Variants in ABHD18 observed in about 807,000 individuals in gnomAD.
ABHD18 encodes abhydrolase domain containing 18, also known as cardiolipin-specific deacylase, mitochondrial.
In ABHD18, 55 loss-of-function variants were observed where a neutral mutation model predicts 65.9. The ratio of observed to expected loss-of-function variants is 0.84; its 90% CI spans 0.67 to 1.05. The LOEUF (loss-of-function observed/expected upper bound fraction) is 1.05, where lower values mean the gene tolerates loss of function less well. Among genes scored for constraint, ABHD18 ranks in the 50% least tolerant of loss-of-function variants. The probability of loss-of-function intolerance (pLI) is 0.00; values close to 1 mark genes in which losing one functional copy is unlikely to be tolerated. For missense variants in ABHD18, 533 were observed against 558.5 expected, an observed-to-expected ratio of 0.95 and a Z score of 0.46; for synonymous variants, 181 against 180.2, an observed-to-expected ratio of 1.00 and a Z score of -0.04.
At chr4:128,004,636 C>T (rs902096856) in intron 4 of ABHD18, among the ~76,000 whole-genome samples, 1 of 152,092 alleles carries the variant, frequency 6.6e-6, no homozygotes, top group Non-Finnish European at 1.5e-5. Flanking sequence ...GAGAGCCGGG[C>T]GCAGTGGTTC....
intron 3 of ABHD18, among the ~76,000 whole-genome samples, chr4:127,989,141 G>C (rs1032443025): frequency 2.0e-5 from 3 of 152,306 alleles, no homozygotes; most frequent in African/African-American, 7.2e-5. Flanking sequence ...TGGAACTGAA[G>C]GACATCGCGT....
intron 1 of ABHD18, among the ~76,000 whole-genome samples, chr4:127,968,780 C>A (rs1451507716): frequency 6.6e-6 from 1 of 152,108 alleles, no homozygotes; most frequent in Non-Finnish European, 1.5e-5. Flanking sequence ...TCTGTCCAGC[C>A]TGAAGTGGGG....
At chr4:127,993,136 G>C (rs1007086217) in intron 4 of ABHD18, among the ~76,000 whole-genome samples, 4 of 152,024 alleles carry the variant, frequency 2.6e-5, no homozygotes, top group African/African-American at 9.7e-5. Flanking sequence ...GTATGCTAAA[G>C]GATATAGAAG....
chr4:128,034,061 C>A (rs1294379709), intron 12 of ABHD18, among the ~76,000 whole-genome samples: 1 of 148,472 alleles, frequency 6.7e-6, no homozygotes, highest in Non-Finnish European at 1.5e-5. Context: ...CAGGTTCAAG[C>A]AATTCTCCTG....
intron 12 of ABHD18, among the ~76,000 whole-genome samples, chr4:128,032,150 T>C (rs1043912876): frequency 6.6e-5 from 10 of 152,148 alleles, no homozygotes; most frequent in African/African-American, 1.2e-4. Context: ...AAGGCTTCAT[T>C]TGAGAGAGAT....
intron 8 of ABHD18, among the ~76,000 whole-genome samples, 193 bp from the exon 9 acceptor site, chr4:128,019,887 C>A (rs781549989): frequency 1.1e-4 from 16 of 152,128 alleles, no homozygotes; most frequent in Non-Finnish European, 1.9e-4. Context: ...TTATTGCTAT[C>A]TAAGGGGGAA....
intron 1 of ABHD18, among the ~76,000 whole-genome samples, chr4:127,974,977 CAA>C (rs971790308): frequency 1.0e-4 from 7 of 69,354 alleles, no homozygotes; most frequent in Admixed American, 4.6e-4. Flanking sequence ...GCCTAGGCAA[CAA>C]GAGCAAAAAC....
chr4:128,031,034 C>T, intron 12 of ABHD18: 1 of 1,009,472 alleles, frequency 9.9e-7, no homozygotes, highest in Non-Finnish European at 1.2e-6. Flanking sequence ...TTCAGAATGG[C>T]CTGAACATCT....
intron 12 of ABHD18, among the ~76,000 whole-genome samples, chr4:128,034,944 G>A (rs765350434): frequency 8.5e-5 from 13 of 152,076 alleles, no homozygotes; most frequent in Non-Finnish European, 1.3e-4. Context: ...GAGCCATCGC[G>A]CCCGGCCTGT....
chr4:127,981,483 G>A (rs1399177792), intron 1 of ABHD18, among the ~76,000 whole-genome samples: 1 of 151,966 alleles, frequency 6.6e-6, no homozygotes, highest in Non-Finnish European at 1.5e-5. Flanking sequence ...CCATTCCTTT[G>A]TCATTTTTGT....
At chr4:128,026,528 T>G (rs1757390786) in intron 10 of ABHD18, among the ~76,000 whole-genome samples, 1 of 152,068 alleles carries the variant, frequency 6.6e-6, no homozygotes, top group Non-Finnish European at 1.5e-5. Context: ...CTTTGCTCAT[T>G]TGGGGGTTCT....
intron 3 of ABHD18, among the ~76,000 whole-genome samples, chr4:127,986,027 T>A (rs529489356): frequency 1.3e-5 from 2 of 152,024 alleles, no homozygotes; most frequent in South Asian, 4.2e-4. Context: ...GAAAAAAAAA[T>A]TGAGATAAAA....
chr4:127,965,418 C>A lies in ABHD18; in HGVS notation c.-206C>A. ...TCGGGGCGTGTCCAAACTGCCGCGCCGCCCTGCTCCGGGTTTGTCTTCCTC... is the reference window on the plus strand; with the variant it reads ...TCGGGGCGTGTCCAAACTGCCGCGCAGCCCTGCTCCGGGTTTGTCTTCCTC... On this transcript the variant is annotated 5_prime_UTR_variant, in exon 1 of 13. Coordinates refer to ENST00000645843, the MANE Select transcript of ABHD18 (RefSeq NM_001358451.3). 1 of 561,520 alleles carries A rather than the reference C, an allele frequency of 1.8e-6. No individual in the cohort carries two copies. The highest frequency in any genetic ancestry group is 3.2e-6 in the Non-Finnish European group (1 of 310,628). 34.8% of individuals were successfully genotyped at this position (561,520 alleles called of 1,614,324 possible).
At chr4:127,975,611 A>T (rs1367448542) in intron 1 of ABHD18, among the ~76,000 whole-genome samples, 3 of 152,188 alleles carry the variant, frequency 2.0e-5, no homozygotes, top group Admixed American at 6.5e-5. Context: ...GTATTTATTT[A>T]TAACCTAGGA....
Position 128,025,444 on chromosome 4 carries a change from C to T in ABHD18, c.802-3031C>T, listed in dbSNP as rs184057759. 2.8e-3 allele frequency among the ~76,000 whole-genome samples: 425 copies of T among 152,220 alleles called. 2 individuals carry two copies. Among genetic ancestry groups the T allele is most frequent in the African/African-American group, 9.8e-3 (408 of 41,552 alleles). On this transcript the variant is annotated intron_variant, in intron 10 of 12. Coordinates refer to ENST00000645843, the MANE Select transcript of ABHD18 (RefSeq NM_001358451.3). ...TGAGCCACTGTGCCCAGCCTCACTTCCCTTTTTTATGGACTATACAAAGTG... is the reference window on the plus strand; with the variant it reads ...TGAGCCACTGTGCCCAGCCTCACTTTCCTTTTTTATGGACTATACAAAGTG...
chr4:128,024,116 G>A (rs1358055627), intron 10 of ABHD18, among the ~76,000 whole-genome samples: 1 of 152,196 alleles, frequency 6.6e-6, no homozygotes, highest in East Asian at 1.9e-4. Flanking sequence ...CACAGTTCTG[G>A]AGGCTAGAAA....
intron 7 of ABHD18, 97 bp downstream of exon 7, chr4:128,011,797 T>A: frequency 5.4e-6 from 2 of 371,294 alleles, no homozygotes; most frequent in East Asian, 1.1e-4. Flanking sequence ...CTAAATTGAA[T>A]ACCTAAATAT....
chr4:128,024,580 G>A (rs1232910825), intron 10 of ABHD18, among the ~76,000 whole-genome samples: 1 of 152,034 alleles, frequency 6.6e-6, no homozygotes, highest in African/African-American at 2.4e-5. Context: ...AGTAATTCGG[G>A]GACCCTTTGA....
intron 7 of ABHD18, among the ~76,000 whole-genome samples, chr4:128,013,974 C>A (rs1755027528): frequency 6.7e-6 from 1 of 148,278 alleles, no homozygotes. Flanking sequence ...GAAGAATTTC[C>A]ACCTTTTTTT....
Sources: allele counts gnomAD v4.1 joint callset (sites outside exome capture counted in the v4.1 genomes callset), GRCh38; gene constraint gnomAD v4.1.1; transcripts MANE v1.5; gene names NCBI Gene and HGNC (gene_info 2026-07-23, HGNC 2026-07-21).